Variants in RNLS observed in about 807,000 individuals in gnomAD.
RNLS encodes the protein renalase.
RNLS carries 39 observed loss-of-function variants against 39.8 expected under a neutral mutation model. The observed-to-expected ratio is 0.98, with a 90% CI of 0.76 to 1.28. The LOEUF (loss-of-function observed/expected upper bound fraction) is 1.28, where lower values mean the gene tolerates loss of function less well. Ranked by LOEUF, RNLS falls within the 50% of genes most tolerant of loss-of-function variation. The pLI is 0.00. For missense variants in RNLS, 410 were observed against 413.3 expected (o/e 0.99, Z 0.07); for synonymous variants, 147 against 150.7 (o/e 0.98, Z 0.18).
chr10:88,387,721 C>G (rs1851956291), intron 4 of RNLS, among the ~76,000 whole-genome samples: 1 of 152,176 alleles, frequency 6.6e-6, no homozygotes, highest in African/African-American at 2.4e-5. Context: ...TGCATGTCTT[C>G]TGGCTAAAAA....
In RNLS at chr10:88,284,239, T is replaced by A. The variant is rs80230329; in HGVS notation, c.*1115A>T. 2.0e-6 allele frequency: 2 copies of A among 985,298 alleles called. No homozygotes were observed. The highest frequency in any genetic ancestry group is 3.5e-5 in the African/African-American group (2 of 57,246). The allele number at this position is 985,298 out of a possible 1,614,324, so 61.0% of individuals were successfully genotyped here. A position where few individuals can be genotyped will look rare whatever the true frequency, so the allele number is the denominator to read the frequency against. On this transcript the variant is annotated 3_prime_UTR_variant, in exon 7 of 7. Transcript: ENST00000331772. ...GTATGTGTATGTATGACAGTGGACATGTAAGTGTGAAACTTTAAACACTAT... is the reference window on the plus strand; with the variant it reads ...GTATGTGTATGTATGACAGTGGACAAGTAAGTGTGAAACTTTAAACACTAT...
chr10:88,259,975 C>T, the RNLS span, among the ~76,000 whole-genome samples: 2 of 152,072 alleles, frequency 1.3e-5, no homozygotes, highest in Admixed American at 6.6e-5. Context: ...TTCTTGACCT[C>T]GTGATCCGCC....
intron 5 of RNLS, among the ~76,000 whole-genome samples, chr10:88,332,955 T>C (rs1288057218): frequency 6.6e-6 from 1 of 152,196 alleles, no homozygotes; most frequent in Non-Finnish European, 1.5e-5. Context: ...CTCAGGTCTC[T>C]TTCTCCATCC....
chr10:88,259,544 C>T, the RNLS span, among the ~76,000 whole-genome samples: 14,025 of 152,202 alleles, frequency 0.092, 849 homozygotes, highest in East Asian at 0.21. Context: ...CCAATCTGCA[C>T]ACATTTTCCA....
chr10:88,457,869 A>C (rs2133923704), intron 4 of RNLS, among the ~76,000 whole-genome samples: 1 of 152,330 alleles, frequency 6.6e-6, no homozygotes, highest in Non-Finnish European at 1.5e-5. Flanking sequence ...TTGACGTCAC[A>C]GACAGCAGGC....
intron 5 of RNLS, among the ~76,000 whole-genome samples, chr10:88,319,799 A>C (rs1187992747): frequency 6.6e-6 from 1 of 152,150 alleles, no homozygotes; most frequent in East Asian, 1.9e-4. Flanking sequence ...TAAAGTGAAC[A>C]AACATACAAC....
intron 4 of RNLS, among the ~76,000 whole-genome samples, chr10:88,493,948 T>C (rs1195322869): frequency 6.6e-6 from 1 of 152,160 alleles, no homozygotes; most frequent in African/African-American, 2.4e-5. Context: ...CAAACGATGA[T>C]GTCTTAAATC....
chr10:88,487,770 C>G (rs1387680316), intron 4 of RNLS, among the ~76,000 whole-genome samples: 1 of 152,132 alleles, frequency 6.6e-6, no homozygotes, highest in Non-Finnish European at 1.5e-5. Flanking sequence ...TTCATACAGA[C>G]TTGCCCACAA....
chr10:88,271,256 A>G (rs1842643814), downstream of RNLS, among the ~76,000 whole-genome samples: 1 of 152,142 alleles, frequency 6.6e-6, no homozygotes, highest in African/African-American at 2.4e-5. Flanking sequence ...TTCACTGATG[A>G]GCAAATTCAT....
chr10:88,199,582 GA>G, the RNLS span, among the ~76,000 whole-genome samples: 24 of 152,324 alleles, frequency 1.6e-4, no homozygotes, highest in South Asian at 4.8e-3. Context: ...TGGAGCAAGT[GA>G]CTGGATCCAT....
At chr10:88,221,640 ACT>A in the RNLS span, among the ~76,000 whole-genome samples, 267 of 152,268 alleles carry the variant, frequency 1.8e-3, 7 homozygotes, top group East Asian at 0.036. Flanking sequence ...GAATCAAGTA[ACT>A]CTGCCACTAA....
chr10:88,517,753 A>G (rs1846491322), intron 4 of RNLS, among the ~76,000 whole-genome samples: 1 of 151,954 alleles, frequency 6.6e-6, no homozygotes, highest in South Asian at 2.1e-4. Flanking sequence ...GTGAAAAGCG[A>G]AAGAGACTCA....
intron 4 of RNLS, among the ~76,000 whole-genome samples, chr10:88,367,850 GCTGT>G (rs1047550663): frequency 1.3e-5 from 2 of 151,922 alleles, no homozygotes; most frequent in Admixed American, 1.3e-4. Flanking sequence ...TTTCTTTTGG[GCTGT>G]CTTTTTCTTA....
intron 4 of RNLS, among the ~76,000 whole-genome samples, chr10:88,544,613 A>G (rs1848205610): frequency 6.6e-6 from 1 of 152,218 alleles, no homozygotes; most frequent in Admixed American, 6.5e-5. Context: ...GATAATCCAA[A>G]AATGACTTCG....
At position 88,400,000 on chromosome 10, in the gene RNLS, C is replaced by A. The variant is rs115512787; in HGVS notation, c.527-37275G>T. Among the ~76,000 whole-genome samples, 1,040 of 152,026 alleles carry A rather than the reference C, an allele frequency of 6.8e-3. 14 individuals are homozygous for A. The highest frequency in any genetic ancestry group is 0.024 in the African/African-American group (979 of 41,498). On this transcript the variant is annotated intron_variant, in intron 4 of 6. Transcript: ENST00000331772. ...TGCCTTGTGGCTATTTCACTCGAAT[C>A]TCTTACTCTGTGGTCACATTGCCTC...
chr10:88,548,374 G>A (rs1221835072), intron 4 of RNLS, among the ~76,000 whole-genome samples: 1 of 145,538 alleles, frequency 6.9e-6, no homozygotes, highest in African/African-American at 2.5e-5. Flanking sequence ...TAAAAATACA[G>A]TTTTCCTGTA....
downstream of RNLS, among the ~76,000 whole-genome samples, chr10:88,281,233 G>A (rs1426469817): frequency 6.6e-6 from 1 of 152,122 alleles, no homozygotes; most frequent in Non-Finnish European, 1.5e-5. Flanking sequence ...TATTTGTGCT[G>A]AGCACACTAA....
intron 4 of RNLS, among the ~76,000 whole-genome samples, chr10:88,560,375 G>C (rs1849102416): frequency 6.6e-6 from 1 of 151,874 alleles, no homozygotes; most frequent in Non-Finnish European, 1.5e-5. Context: ...CCAGGAAAAG[G>C]TGTTAGCCAA....
At chr10:88,452,615 G>A (rs990861318) in intron 4 of RNLS, among the ~76,000 whole-genome samples, 5 of 152,092 alleles carry the variant, frequency 3.3e-5, no homozygotes, top group Admixed American at 2.0e-4. Flanking sequence ...TGGGCTCTGC[G>A]ACTTAGAAAT....
Sources: allele counts gnomAD v4.1 joint callset (sites outside exome capture counted in the v4.1 genomes callset), GRCh38; gene constraint gnomAD v4.1.1; transcripts MANE v1.5; gene names NCBI Gene and HGNC (gene_info 2026-07-23, HGNC 2026-07-21).